VAC14: variants seen among roughly 807,000 people sequenced by gnomAD.
The protein encoded by VAC14 is protein VAC14 homolog.
A neutral mutation model predicts 85.3 loss-of-function variants in VAC14; 47 were observed. The observed-to-expected ratio is 0.55, with a 90% CI of 0.44 to 0.70. VAC14 has a LOEUF of 0.70. Among genes scored for constraint, VAC14 ranks in the 30% least tolerant of loss-of-function variants. The probability of loss-of-function intolerance (pLI) is 0.00; values close to 1 mark genes in which losing one functional copy is unlikely to be tolerated. For synonymous variants in VAC14, 447 were observed against 430.5 expected, an observed-to-expected ratio of 1.04 and a Z score of -0.47; for missense variants, 861 against 1,004.3, an observed-to-expected ratio of 0.86 and a Z score of 1.93.
At chr16:70,772,311 G>A (rs2033279075) in intron 9 of VAC14, 139 bp from the exon 10 acceptor site, 1 of 686,432 alleles carries the variant, frequency 1.5e-6, no homozygotes, top group African/African-American at 1.8e-5. Flanking sequence ...CATGGCTCTG[G>A]AGCCCTGAGG....
intron 14 of VAC14, among the ~76,000 whole-genome samples, chr16:70,723,832 C>A (rs761969599): frequency 6.6e-6 from 1 of 152,224 alleles, no homozygotes; most frequent in African/African-American, 2.4e-5. Context: ...GGTCTGACCA[C>A]GTGTGCCATG....
At chr16:70,726,161 GAGGA>G (rs2054422287) in intron 14 of VAC14, among the ~76,000 whole-genome samples, 1 of 152,254 alleles carries the variant, frequency 6.6e-6, no homozygotes, top group Non-Finnish European at 1.5e-5. Flanking sequence ...CCTTTCTACT[GAGGA>G]TAAGTGGATG....
chr16:70,717,402 G>A (rs1441769485), intron 14 of VAC14, among the ~76,000 whole-genome samples: 3 of 152,234 alleles, frequency 2.0e-5, no homozygotes, highest in Non-Finnish European at 4.4e-5. Flanking sequence ...AGTTTTAAAT[G>A]AGCCCATCCT....
Position 70,784,855 on chromosome 16 carries a change from CA to C in VAC14, c.424-18del. ...GGCTGCCAGCTGCAAGAGGCACAGACAGGGGAGGGACACAGAGGCGAGGGTC... is the reference window on the plus strand; with the variant it reads ...GGCTGCCAGCTGCAAGAGGCACAGACGGGGAGGGACACAGAGGCGAGGGTC... On this transcript the variant is annotated intron_variant, in intron 3 of 18. Coordinates refer to ENST00000261776, the MANE Select transcript of VAC14 (RefSeq NM_018052.5). 6.2e-7 allele frequency: 1 copy of C among 1,612,762 alleles called. No individual in the cohort carries two copies. Among genetic ancestry groups the C allele is most frequent in the Non-Finnish European group, 8.5e-7 (1 of 1,179,124 alleles).
At chr16:70,728,128 T>C (rs1597894117) in intron 14 of VAC14, among the ~76,000 whole-genome samples, 2 of 151,552 alleles carry the variant, frequency 1.3e-5, no homozygotes, top group African/African-American at 2.4e-5. Context: ...CGGGTGGGAG[T>C]GAGGCCTGGA....
At chr16:70,783,314 G>A (rs749254823) in intron 6 of VAC14, 131 bp downstream of exon 6, 218 of 1,074,216 alleles carry the variant, frequency 2.0e-4, no homozygotes, top group Non-Finnish European at 2.8e-4. Context: ...TCCTCAAAGC[G>A]GGAAGCACAA....
chr16:70,720,787 G>GC (rs979849678), intron 14 of VAC14, among the ~76,000 whole-genome samples: 14 of 152,252 alleles, frequency 9.2e-5, no homozygotes, highest in Admixed American at 2.6e-4. Context: ...GGGGCTATCC[G>GC]CCCATGTGGT....
intron 13 of VAC14, among the ~76,000 whole-genome samples, chr16:70,737,717 C>T (rs2054805465): frequency 6.6e-6 from 1 of 152,210 alleles, no homozygotes; most frequent in Admixed American, 6.5e-5. Flanking sequence ...CATGAGAATC[C>T]ACAGAACGTC....
At chr16:70,784,255 C>G (rs370437796) in intron 4 of VAC14, 35 bp from the exon 5 acceptor site, 2 of 1,585,766 alleles carry the variant, frequency 1.3e-6, no homozygotes, top group Non-Finnish European at 1.7e-6. Context: ...GCCGAGAGCC[C>G]GAGACCAGGG....
chr16:70,781,611 G>A (rs1244942055), intron 8 of VAC14, among the ~76,000 whole-genome samples: 1 of 152,130 alleles, frequency 6.6e-6, no homozygotes, highest in Non-Finnish European at 1.5e-5. Context: ...TATGAACTCA[G>A]AGGGTTGGAA....
At chr16:70,796,039 A>G (rs952740908) in intron 1 of VAC14, among the ~76,000 whole-genome samples, 2 of 152,166 alleles carry the variant, frequency 1.3e-5, no homozygotes, top group African/African-American at 4.8e-5. Context: ...ACGACTGATC[A>G]ATGACTATAT....
At chr16:70,712,731 G>A (rs1469915539) in intron 14 of VAC14, among the ~76,000 whole-genome samples, 2 of 152,236 alleles carry the variant, frequency 1.3e-5, no homozygotes, top group African/African-American at 4.8e-5. Context: ...GTGGCAGGTG[G>A]TCAGGGGTCT....
At chr16:70,740,924 G>A (rs2030226348) in intron 13 of VAC14, among the ~76,000 whole-genome samples, 1 of 152,258 alleles carries the variant, frequency 6.6e-6, no homozygotes. Flanking sequence ...AACCATGGCT[G>A]TGGTGCATTA....
intron 1 of VAC14, among the ~76,000 whole-genome samples, chr16:70,799,301 T>C (rs2034670404): frequency 6.6e-6 from 1 of 152,110 alleles, no homozygotes; most frequent in Non-Finnish European, 1.5e-5. Context: ...TAAGACTTGC[T>C]AGCATTCGTG....
At chr16:70,717,552 T>C (rs1396895383) in intron 14 of VAC14, among the ~76,000 whole-genome samples, 2 of 152,266 alleles carry the variant, frequency 1.3e-5, no homozygotes, top group Non-Finnish European at 2.9e-5. Flanking sequence ...TTTTCTGCCA[T>C]GTGCCGTCCA....
At chr16:70,797,999 A>G (rs1008496289) in intron 1 of VAC14, among the ~76,000 whole-genome samples, 5 of 152,188 alleles carry the variant, frequency 3.3e-5, no homozygotes, top group African/African-American at 1.2e-4. Flanking sequence ...ACCCAGTCTC[A>G]GGTATTTGTT....
chr16:70,712,532 G>A (rs1489953520), intron 14 of VAC14, among the ~76,000 whole-genome samples: 5 of 152,188 alleles, frequency 3.3e-5, no homozygotes, highest in African/African-American at 9.7e-5. Context: ...CTCAGGATCC[G>A]GAGGGAGATG....
intron 14 of VAC14, among the ~76,000 whole-genome samples, chr16:70,723,078 T>C (rs2054334553): frequency 6.6e-6 from 1 of 151,946 alleles, no homozygotes. Context: ...TAGCCAGGCA[T>C]TACACAGGTG....
At chr16:70,736,156 G>C (rs937790425) in intron 13 of VAC14, among the ~76,000 whole-genome samples, 14 of 152,322 alleles carry the variant, frequency 9.2e-5, no homozygotes, top group Admixed American at 3.9e-4. Context: ...GGGGCAGTAG[G>C]AAGCACTGAG....
Sources: gnomAD v4.1 joint callset for allele counts (sites outside exome capture counted in the v4.1 genomes callset) on GRCh38, gnomAD v4.1.1 for gene constraint, MANE v1.5 for transcripts, NCBI Gene and HGNC (gene_info 2026-07-23, HGNC 2026-07-21) for gene names.